Variants in BRI3BP observed in about 807,000 individuals in gnomAD.
BRI3BP encodes the protein BRI3-binding protein.
Under a neutral mutation model 15.8 loss-of-function variants are expected in BRI3BP, and 7 were observed. The observed-to-expected ratio is 0.44, with a 90% confidence interval of 0.25 to 0.83. The LOEUF (loss-of-function observed/expected upper bound fraction) is 0.83, where lower values mean the gene tolerates loss of function less well. BRI3BP is among the 40% of genes least tolerant of loss of function. The pLI is 0.20. For missense variants in BRI3BP, 320 were observed against 339.3 expected (o/e 0.94, Z 0.45); for synonymous variants, 192 against 163.5 (o/e 1.17, Z -1.33).
chr12:125,032,645 G>A (rs189301043), downstream of BRI3BP, among the ~76,000 whole-genome samples: 1 of 152,240 alleles, frequency 6.6e-6, no homozygotes, highest in Non-Finnish European at 1.5e-5. Context: ...GCGCCTGCCT[G>A]TGCCTGCAGT....
rs758179689 is a variant in BRI3BP, at chr12:125,003,954, AAAACACACACACAC to A, written c.214-8578_214-8565del. On this transcript the variant is annotated intron_variant, in intron 1 of 2. Transcript: ENST00000341446. Reference sequence around the variant, plus strand: ...GGCGACAGAGCGAGACTCCATCTCAAAAACACACACACACACACACACACACACACACACACACA... The same window carrying A: ...GGCGACAGAGCGAGACTCCATCTCAAACACACACACACACACACACACACA... Among the ~76,000 whole-genome samples, 249 of 95,090 alleles carry A rather than the reference AAAACACACACACAC, an allele frequency of 2.6e-3. 1 individual carries two copies. The highest frequency in any genetic ancestry group is 0.016 in the East Asian group (57 of 3,656). 62.4% of individuals were successfully genotyped at this position (95,090 alleles called of 152,430 possible).
the BRI3BP span, among the ~76,000 whole-genome samples, chr12:125,036,886 TA>T: frequency 6.6e-6 from 1 of 152,172 alleles, no homozygotes; most frequent in Non-Finnish European, 1.5e-5. Context: ...GGCTGTTTTT[TA>T]ACCAGGGAGA....
chr12:125,020,758 T>TA (rs1317702619), intron 2 of BRI3BP, among the ~76,000 whole-genome samples: 1 of 152,020 alleles, frequency 6.6e-6, no homozygotes, highest in East Asian at 1.9e-4. Flanking sequence ...TGCATGCTTG[T>TA]AGTCTCAGCT....
chr12:125,036,309 C>G, the BRI3BP span, among the ~76,000 whole-genome samples: 1 of 151,406 alleles, frequency 6.6e-6, no homozygotes, highest in East Asian at 1.9e-4. Context: ...TCTGATCCCC[C>G]GCCTTGGCCT....
At chr12:125,008,558 C>T (rs1239924492) in intron 1 of BRI3BP, among the ~76,000 whole-genome samples, 4 of 151,866 alleles carry the variant, frequency 2.6e-5, no homozygotes, top group African/African-American at 7.3e-5. Context: ...GTGATCCGCC[C>T]GCCTCGGCCT....
At chr12:125,048,605 A>G in the BRI3BP span, among the ~76,000 whole-genome samples, 2 of 152,088 alleles carry the variant, frequency 1.3e-5, no homozygotes, top group Non-Finnish European at 2.9e-5. Flanking sequence ...ATGCTAAATG[A>G]TGAGTTAATG....
At chr12:125,050,280 G>A in the BRI3BP span, among the ~76,000 whole-genome samples, 1 of 151,830 alleles carries the variant, frequency 6.6e-6, no homozygotes, top group African/African-American at 2.4e-5. Context: ...AACCCGGGAG[G>A]CAGAGGTTGC....
the BRI3BP span, among the ~76,000 whole-genome samples, chr12:125,042,802 G>A: frequency 6.6e-6 from 1 of 152,020 alleles, no homozygotes; most frequent in Non-Finnish European, 1.5e-5. Context: ...CTCCCAAAGT[G>A]CTAGGATTAC....
chr12:124,998,570 A>G (rs1009904758), intron 1 of BRI3BP, among the ~76,000 whole-genome samples: 2 of 152,154 alleles, frequency 1.3e-5, no homozygotes, highest in African/African-American at 4.8e-5. Context: ...AGATCCGTAG[A>G]GACAGAAAGC....
At chr12:125,004,104 G>A (rs1955122382) in intron 1 of BRI3BP, among the ~76,000 whole-genome samples, 2 of 151,844 alleles carry the variant, frequency 1.3e-5, no homozygotes, top group South Asian at 4.2e-4. Context: ...AAAACTTTTT[G>A]TTTGAATTTG....
Position 125,026,986 on chromosome 12 carries a change from T to C in BRI3BP, c.*1556T>C, listed in dbSNP as rs1955360823. 1 of 151,602 alleles carries C rather than the reference T, an allele frequency of 6.6e-6. No individual in the cohort carries two copies. The highest frequency in any genetic ancestry group is 2.1e-4 in the South Asian group (1 of 4,802). 9.4% of individuals were successfully genotyped at this position (151,602 alleles called of 1,614,324 possible). On this transcript the variant is annotated 3_prime_UTR_variant, in exon 3 of 3. Transcript: ENST00000341446. Reference sequence around the variant, plus strand: ...AAAAAAAGCCCAGCATTTTGCAGCTTTGAAGCTGCTGGGGATCACGACTGT... The same window carrying C: ...AAAAAAAGCCCAGCATTTTGCAGCTCTGAAGCTGCTGGGGATCACGACTGT...
intron 2 of BRI3BP, among the ~76,000 whole-genome samples, chr12:125,017,607 C>T (rs1480751349): frequency 6.6e-6 from 1 of 152,176 alleles, no homozygotes; most frequent in Admixed American, 6.5e-5. Flanking sequence ...TCAGTTCTGA[C>T]TTGTCACATT....
chr12:125,008,897 A>C (rs1955172184), intron 1 of BRI3BP, among the ~76,000 whole-genome samples: 1 of 152,098 alleles, frequency 6.6e-6, no homozygotes. Context: ...GTGGCAGATC[A>C]TCAGGCATTA....
downstream of BRI3BP, among the ~76,000 whole-genome samples, chr12:125,031,770 C>T (rs957653141): frequency 2.3e-4 from 35 of 151,822 alleles, no homozygotes; most frequent in East Asian, 5.8e-4. Context: ...CTCAGTGATC[C>T]GCCCGTTTCG....
intron 1 of BRI3BP, among the ~76,000 whole-genome samples, chr12:124,996,132 T>C (rs764777984): frequency 9.9e-5 from 15 of 152,278 alleles, no homozygotes; most frequent in South Asian, 2.1e-4. Flanking sequence ...CAGTCTGGTC[T>C]CAAACTCCTG....
intron 2 of BRI3BP, among the ~76,000 whole-genome samples, chr12:125,022,918 C>T (rs1955313429): frequency 6.6e-6 from 1 of 152,124 alleles, no homozygotes; most frequent in African/African-American, 2.4e-5. Flanking sequence ...GTACATCTTT[C>T]AAATGGGTTA....
downstream of BRI3BP, among the ~76,000 whole-genome samples, chr12:125,036,047 G>GT (rs78018752): frequency 2.3e-5 from 3 of 129,798 alleles, no homozygotes; most frequent in Non-Finnish European, 3.3e-5. Context: ...GTAATCTATA[G>GT]TTTTTTTTGT....
In BRI3BP at chr12:125,028,545, T is replaced by C. The variant is rs1245467483; in HGVS notation, c.*3115T>C. 6.6e-6 allele frequency: 1 copy of C among 152,192 alleles called. No individual in the cohort carries two copies. Among genetic ancestry groups the C allele is most frequent in the Non-Finnish European group, 1.5e-5 (1 of 68,032 alleles). The allele number at this position is 152,192 out of a possible 1,614,324, so 9.4% of individuals were successfully genotyped here. A position where few individuals can be genotyped will look rare whatever the true frequency, so the allele number is the denominator to read the frequency against. ...AGTGTAGGCTCTGAAGCCAGTTTTA[T>C]AGCTTGATACATTCTGGTGAAAGAT... is the stretch of plus-strand genomic sequence containing the variant. On this transcript the variant is annotated 3_prime_UTR_variant, in exon 3 of 3. Coordinates refer to ENST00000341446, the MANE Select transcript of BRI3BP (RefSeq NM_080626.6).
downstream of BRI3BP, among the ~76,000 whole-genome samples, chr12:125,031,574 ATTTTT>A (rs367625363): frequency 2.4e-5 from 2 of 84,200 alleles, no homozygotes; most frequent in African/African-American, 1.0e-4. Flanking sequence ...TTTTCTTTCT[ATTTTT>A]TTTTTTTTTT....
Sources: gnomAD v4.1 joint callset for allele counts (sites outside exome capture counted in the v4.1 genomes callset) on GRCh38, gnomAD v4.1.1 for gene constraint, MANE v1.5 for transcripts, NCBI Gene and HGNC (gene_info 2026-07-23, HGNC 2026-07-21) for gene names.